FBXL17: variants seen among roughly 807,000 people sequenced by gnomAD.
The protein encoded by FBXL17 is F-box and leucine rich repeat protein 17.
FBXL17 carries 22 observed loss-of-function variants against 66.2 expected under a neutral mutation model. That is an observed-to-expected ratio of 0.33 (90% confidence interval 0.24 to 0.47). The LOEUF is 0.47. Ranked by LOEUF, FBXL17 falls within the 20% of genes least tolerant of loss-of-function variation. FBXL17 has a pLI of 1.00. For synonymous variants in FBXL17, 474 were observed against 400.5 expected (o/e 1.18, Z -2.19); for missense variants, 878 against 948.2 (o/e 0.93, Z 0.97).
At chr5:108,084,227 C>T (rs1461393974) in intron 6 of FBXL17, among the ~76,000 whole-genome samples, 1 of 152,162 alleles carries the variant, frequency 6.6e-6, no homozygotes, top group African/African-American at 2.4e-5. Flanking sequence ...ACCATCTCTC[C>T]GACCCTTCAT....
intron 3 of FBXL17, among the ~76,000 whole-genome samples, chr5:108,350,872 A>G (rs1747599695): frequency 6.6e-6 from 1 of 152,232 alleles, no homozygotes; most frequent in South Asian, 2.1e-4. Flanking sequence ...ACCAAGGGAA[A>G]GAAAACATGA....
chr5:108,169,870 T>C (rs1257212686), intron 6 of FBXL17, among the ~76,000 whole-genome samples: 3 of 152,176 alleles, frequency 2.0e-5, no homozygotes, highest in Non-Finnish European at 4.4e-5. Flanking sequence ...TCCATCAACA[T>C]GCATTTAGTG....
intron 4 of FBXL17, among the ~76,000 whole-genome samples, chr5:108,321,634 A>C (rs1467542745): frequency 5.3e-5 from 8 of 151,984 alleles, no homozygotes; most frequent in Admixed American, 3.3e-4. Flanking sequence ...TCCATTCAAA[A>C]AGTGCTGTTT....
chr5:108,115,636 AAAG>A (rs1750220601), intron 6 of FBXL17, among the ~76,000 whole-genome samples: 3 of 152,154 alleles, frequency 2.0e-5, no homozygotes, highest in African/African-American at 4.8e-5. Flanking sequence ...AGAAAAAAAA[AAAG>A]AAGAGTAAAA....
intron 6 of FBXL17, among the ~76,000 whole-genome samples, chr5:108,067,814 C>T (rs573833210): frequency 1.3e-5 from 2 of 152,242 alleles, no homozygotes; most frequent in African/African-American, 4.8e-5. Context: ...GGACAAGTAA[C>T]AAAGGTTTAG....
intron 6 of FBXL17, among the ~76,000 whole-genome samples, chr5:108,140,483 C>T (rs895856844): frequency 3.3e-5 from 5 of 152,180 alleles, no homozygotes; most frequent in African/African-American, 7.2e-5. Flanking sequence ...ATTTTCTCTT[C>T]CTTTGGCCTC....
intron 4 of FBXL17, among the ~76,000 whole-genome samples, chr5:108,269,919 C>T (rs1757197645): frequency 6.6e-6 from 1 of 152,060 alleles, no homozygotes; most frequent in Non-Finnish European, 1.5e-5. Context: ...TTTCCCTCTA[C>T]TACTGTTGCT....
At chr5:108,295,963 CCAAAA>C (rs1758331568) in intron 4 of FBXL17, among the ~76,000 whole-genome samples, 3 of 105,066 alleles carry the variant, frequency 2.9e-5, no homozygotes, top group African/African-American at 1.1e-4. Context: ...TTAAACAAAA[CCAAAA>C]AAAAAAAAAA....
At chr5:108,129,063 G>T (rs539560725) in intron 6 of FBXL17, among the ~76,000 whole-genome samples, 1 of 152,048 alleles carries the variant, frequency 6.6e-6, no homozygotes, top group Non-Finnish European at 1.5e-5. Flanking sequence ...TATCAAATAG[G>T]TTGACTTAAA....
chr5:107,943,847 A>G (rs1240957677), intron 7 of FBXL17, among the ~76,000 whole-genome samples: 2 of 152,202 alleles, frequency 1.3e-5, no homozygotes, highest in Non-Finnish European at 2.9e-5. Flanking sequence ...ATTCTGATCA[A>G]AAATACAAAT....
intron 6 of FBXL17, among the ~76,000 whole-genome samples, chr5:108,079,330 T>C (rs1259073512): frequency 6.6e-6 from 1 of 152,136 alleles, no homozygotes; most frequent in Non-Finnish European, 1.5e-5. Context: ...AGTTGTGTAA[T>C]AATGGAGCAA....
At chr5:107,884,916 G>A (rs1189082389) in intron 7 of FBXL17, among the ~76,000 whole-genome samples, 1 of 152,094 alleles carries the variant, frequency 6.6e-6, no homozygotes, top group African/African-American at 2.4e-5. Context: ...GCTATAAAAT[G>A]AAAAGACTTG....
At chr5:108,174,849 C>G (rs936379536) in intron 6 of FBXL17, among the ~76,000 whole-genome samples, 1 of 150,316 alleles carries the variant, frequency 6.7e-6, no homozygotes, top group Non-Finnish European at 1.5e-5. Flanking sequence ...TTCCTCACTT[C>G]TTCACTCAAA....
At chr5:108,093,573 AAG>A (rs1749264652) in intron 6 of FBXL17, among the ~76,000 whole-genome samples, 2 of 152,160 alleles carry the variant, frequency 1.3e-5, no homozygotes, top group Admixed American at 1.3e-4. Flanking sequence ...ACCAATGAAA[AAG>A]TATTTTATCA....
At chr5:107,909,503 T>C (rs917408359) in intron 7 of FBXL17, among the ~76,000 whole-genome samples, 1 of 152,208 alleles carries the variant, frequency 6.6e-6, no homozygotes, top group Non-Finnish European at 1.5e-5. Context: ...ATGAGAATGA[T>C]GGAAATACAA....
chr5:108,046,287 T>A (rs908400137), intron 6 of FBXL17, among the ~76,000 whole-genome samples: 3 of 152,234 alleles, frequency 2.0e-5, no homozygotes, highest in Non-Finnish European at 4.4e-5. Context: ...TATGTTTGCA[T>A]GATATATCTT....
intron 5 of FBXL17, among the ~76,000 whole-genome samples, chr5:108,222,934 A>C (rs1282911004): frequency 6.6e-6 from 1 of 152,018 alleles, no homozygotes; most frequent in Non-Finnish European, 1.5e-5. Context: ...TCGGCCTCCC[A>C]AAGTGCTGGG....
chr5:108,336,312 A>C (rs1760381147), intron 4 of FBXL17, among the ~76,000 whole-genome samples: 1 of 152,232 alleles, frequency 6.6e-6, no homozygotes. Flanking sequence ...ATTGGTACCA[A>C]GAAGCAAATA....
At chr5:108,085,354 T>C (rs1265584157) in intron 6 of FBXL17, among the ~76,000 whole-genome samples, 5 of 152,200 alleles carry the variant, frequency 3.3e-5, no homozygotes, top group Non-Finnish European at 5.9e-5. Flanking sequence ...TTTCCAAAAA[T>C]CCATTTCACA....
Sources: gnomAD v4.1 joint callset for allele counts (sites outside exome capture counted in the v4.1 genomes callset) on GRCh38, gnomAD v4.1.1 for gene constraint, MANE v1.5 for transcripts, NCBI Gene and HGNC (gene_info 2026-07-23, HGNC 2026-07-21) for gene names.